The following ATP8B1 variants were observed in gnomAD, a reference collection of about 807,000 sequenced individuals.
ATP8B1 encodes the protein ATPase phospholipid transporting 8B1, also known as phospholipid-transporting ATPase IC.
Under a neutral mutation model 149.9 loss-of-function variants are expected in ATP8B1, and 80 were observed. The observed-to-expected ratio is 0.53, with a 90% CI of 0.45 to 0.64. The LOEUF (loss-of-function observed/expected upper bound fraction) is 0.64. ATP8B1 is among the 30% of genes least tolerant of loss of function. The pLI, the probability that ATP8B1 is intolerant of heterozygous loss-of-function variation, is 0.00. For synonymous variants in ATP8B1, 536 were observed against 562.8 expected, an observed-to-expected ratio of 0.95 and a Z score of 0.67; for missense variants, 1,247 against 1,552.6, an observed-to-expected ratio of 0.80 and a Z score of 3.31.
chr18:57,660,811 C>T (rs1193932420), intron 22 of ATP8B1, among the ~76,000 whole-genome samples: 1 of 152,114 alleles, frequency 6.6e-6, no homozygotes, highest in Non-Finnish European at 1.5e-5. Context: ...GCCACTGTGC[C>T]CAGCCAATAT....
At chr18:57,680,492 G>C (rs1911892728) in intron 15 of ATP8B1, among the ~76,000 whole-genome samples, 1 of 151,486 alleles carries the variant, frequency 6.6e-6, no homozygotes, top group Non-Finnish European at 1.5e-5. Flanking sequence ...GCTGAGGCAG[G>C]AGAATTGATT....
chr18:57,765,425 T>C (rs2123349267), intron 1 of ATP8B1, among the ~76,000 whole-genome samples: 1 of 152,274 alleles, frequency 6.6e-6, no homozygotes, highest in African/African-American at 2.4e-5. Context: ...ATCCCAGCAC[T>C]TTGGGAGGTC....
intron 2 of ATP8B1, among the ~76,000 whole-genome samples, chr18:57,713,199 C>CTTTCTTTCTTT (rs748974327): frequency 3.1e-5 from 2 of 64,072 alleles, no homozygotes; most frequent in African/African-American, 5.7e-5. Context: ...TTCTTTCTTT[C>CTTTCTTTCTTT]CTTCCTTCCT....
At chr18:57,672,932 A>ATCT (rs1491183286) in intron 16 of ATP8B1, among the ~76,000 whole-genome samples, 5,731 of 31,842 alleles carry the variant, frequency 0.18, 599 homozygotes, top group Middle Eastern at 0.36. Context: ...ATATATATAT[A>ATCT]ACATGTATAT....
intron 21 of ATP8B1, among the ~76,000 whole-genome samples, chr18:57,661,682 C>T (rs62094220): frequency 1.3e-3 from 59 of 43,718 alleles, no homozygotes; most frequent in South Asian, 2.7e-3. Flanking sequence ...TATATACACA[C>T]ACACACACAC....
intron 2 of ATP8B1, among the ~76,000 whole-genome samples, chr18:57,719,176 T>TA (rs2079612832): frequency 6.6e-6 from 1 of 152,200 alleles, no homozygotes; most frequent in African/African-American, 2.4e-5. Flanking sequence ...AAAATCAACA[T>TA]ACAGAAATCA....
At chr18:57,667,622 G>A (rs1910956645) in intron 19 of ATP8B1, 2 of 198,142 alleles carry the variant, frequency 1.0e-5, no homozygotes, top group South Asian at 1.7e-4. Flanking sequence ...AATTTGAAAT[G>A]TTTTCAATAA....
At chr18:57,719,876 T>C (rs1418309609) in intron 2 of ATP8B1, among the ~76,000 whole-genome samples, 1 of 152,186 alleles carries the variant, frequency 6.6e-6, no homozygotes, top group Non-Finnish European at 1.5e-5. Flanking sequence ...GCAGTGGTTC[T>C]CCCAGCACGC....
intron 1 of ATP8B1, among the ~76,000 whole-genome samples, chr18:57,778,002 T>C (rs1299194815): frequency 6.6e-6 from 1 of 152,210 alleles, no homozygotes; most frequent in Non-Finnish European, 1.5e-5. Flanking sequence ...GTGGGAGCCC[T>C]TTATCAGGAA....
chr18:57,677,064 T>C (rs35018152), intron 15 of ATP8B1, among the ~76,000 whole-genome samples: 18,958 of 152,152 alleles, frequency 0.12, 1,337 homozygotes, highest in African/African-American at 0.14. Context: ...CACAGCCAGA[T>C]ACACAAAAGA....
At position 57,673,313 on chromosome 18, in the gene ATP8B1, G is replaced by GA. The variant is rs1271059988; in HGVS notation, c.1819+1520dup. On this transcript the variant is annotated intron_variant, in intron 16 of 27. Coordinates refer to ENST00000648908, the MANE Select transcript of ATP8B1 (RefSeq NM_001374385.1). ...TGATCTTAGATTGGATCCTGGACCAGAAAAACAAAGAATGAACCTCCCTGG... is the reference window on the plus strand; with the variant it reads ...TGATCTTAGATTGGATCCTGGACCAGAAAAAACAAAGAATGAACCTCCCTGG... Among the ~76,000 whole-genome samples the GA allele has an allele frequency of 2.0e-4, 31 of 151,944 alleles. No homozygotes were observed. The Middle Eastern group carries it at 0.017, about 84-fold the overall frequency.
At chr18:57,746,500 G>GTC (rs2079965055) in intron 1 of ATP8B1, among the ~76,000 whole-genome samples, 2 of 127,444 alleles carry the variant, frequency 1.6e-5, no homozygotes, top group Admixed American at 1.8e-4. Context: ...TTGAGACAGA[G>GTC]TCTCACTCTG....
intron 16 of ATP8B1, among the ~76,000 whole-genome samples, chr18:57,671,944 A>T (rs572335882): frequency 2.7e-4 from 41 of 152,282 alleles, no homozygotes; most frequent in Admixed American, 6.5e-4. Context: ...TTAATAGAAA[A>T]CTACATTTAT....
chr18:57,755,983 G>A (rs905774011), intron 1 of ATP8B1, among the ~76,000 whole-genome samples: 8 of 151,790 alleles, frequency 5.3e-5, no homozygotes, highest in African/African-American at 1.9e-4. Flanking sequence ...TACTTCAGGG[G>A]TAGTCTCTCA....
At chr18:57,790,744 A>G (rs1290012511) in intron 1 of ATP8B1, among the ~76,000 whole-genome samples, 2 of 152,210 alleles carry the variant, frequency 1.3e-5, no homozygotes, top group Admixed American at 6.5e-5. Context: ...TTTTTGAGAC[A>G]GAGTCTTGCT....
chr18:57,697,779 G>A lies in ATP8B1; in HGVS notation c.627+16C>T, dbSNP rs1265494554. The A allele has an allele frequency of 3.7e-6, 6 of 1,613,104 alleles. No homozygotes were observed. Among genetic ancestry groups the A allele is most frequent in the Non-Finnish European group, 5.1e-6 (6 of 1,179,358 alleles). On this transcript the variant is annotated intron_variant, in intron 7 of 27. Transcript: ENST00000648908. ...GGGAGAACAAGGAACAAGAGAAGCA[G>A]AATTTGTTCACTTACTGGAACAAAA...
At chr18:57,691,534 C>G (rs112528709) in intron 12 of ATP8B1, among the ~76,000 whole-genome samples, 105 of 152,292 alleles carry the variant, frequency 6.9e-4, no homozygotes, top group African/African-American at 2.4e-3. Flanking sequence ...GGGAACCTTA[C>G]TAATAAGACA....
At chr18:57,684,948 C>CA in intron 14 of ATP8B1, 124 bp downstream of exon 14, 2 of 1,246,734 alleles carry the variant, frequency 1.6e-6, no homozygotes, top group South Asian at 2.4e-5. Flanking sequence ...GGACTGTGGG[C>CA]AACCACCAGG....
At chr18:57,684,925 C>A in intron 14 of ATP8B1, 147 bp downstream of exon 14, 1 of 991,510 alleles carries the variant, frequency 1.0e-6, no homozygotes, top group Non-Finnish European at 1.6e-6. Context: ...GTCTCCAAGC[C>A]AAGGAACACC....
Sources: gnomAD v4.1 joint callset for allele counts (sites outside exome capture counted in the v4.1 genomes callset) on GRCh38, gnomAD v4.1.1 for gene constraint, MANE v1.5 for transcripts, NCBI Gene and HGNC (gene_info 2026-07-23, HGNC 2026-07-21) for gene names.